The following ASTL variants were observed in gnomAD, a reference collection of about 807,000 sequenced individuals.
ASTL encodes the protein astacin-like metalloendopeptidase.
Under a neutral mutation model 36.7 loss-of-function variants are expected in ASTL, and 27 were observed. The observed-to-expected ratio is 0.73, with a 90% CI of 0.54 to 1.01. ASTL has a LOEUF of 1.01. Ranked by LOEUF, ASTL falls within the 50% of genes least tolerant of loss-of-function variation. The probability of loss-of-function intolerance (pLI) is 0.00; values close to 1 mark genes in which losing one functional copy is unlikely to be tolerated. For missense variants in ASTL, 524 were observed against 572.8 expected, an observed-to-expected ratio of 0.91 and a Z score of 0.87; for synonymous variants, 222 against 228.1, an observed-to-expected ratio of 0.97 and a Z score of 0.24.
At position 96,132,743 on chromosome 2, in the gene ASTL, T is replaced by G; in HGVS notation, c.456-22A>C. The G allele has an allele frequency of 6.3e-7, 1 of 1,594,104 alleles. No individual in the cohort carries two copies. The highest frequency in any genetic ancestry group is 8.6e-7 in the Non-Finnish European group (1 of 1,165,094). ...GCACCTGCAGGGTGATGAGAGCAAG[T>G]GGGGTAAGTGCCAGCCCAGATCCCT... On this transcript the variant is annotated intron_variant, in intron 5 of 8. Coordinates refer to ENST00000342380, the MANE Select transcript of ASTL (RefSeq NM_001002036.4). The surrounding 1 kb of genome is among the most constrained non-coding windows in gnomAD (Gnocchi z 5.4).
At chr2:96,128,749 T>C (rs1196679029) in intron 8 of ASTL, among the ~76,000 whole-genome samples, 1 of 152,256 alleles carries the variant, frequency 6.6e-6, no homozygotes, top group Non-Finnish European at 1.5e-5. Flanking sequence ...TTGGCTATTA[T>C]TGACCTTTCA....
At chr2:96,129,789 C>A in intron 8 of ASTL, 35 bp downstream of exon 8, 1 of 1,509,686 alleles carries the variant, frequency 6.6e-7, no homozygotes. Flanking sequence ...GGCGCCTTCT[C>A]CAGGTTCAAG....
Position 96,130,957 on chromosome 2 carries a change from G to A in ASTL, c.638-812C>T, listed in dbSNP as rs112615343. ...CTGCTTCCTGAGTTCCCACCTCCCC[G>A]CCCCACAACAGTTAATTACTGTTAT... On this transcript the variant is annotated intron_variant, in intron 6 of 8. Coordinates refer to ENST00000342380, the MANE Select transcript of ASTL (RefSeq NM_001002036.4). Among the ~76,000 whole-genome samples, 1,326 of 151,954 alleles carry A rather than the reference G, an allele frequency of 8.7e-3. 23 individuals are homozygous for A. The highest frequency in any genetic ancestry group is 0.031 in the African/African-American group (1,285 of 41,412).
chr2:96,123,975 C>T lies in ASTL; in HGVS notation c.1171G>A (p.Val391Met). 1 of 1,614,000 alleles carries T rather than the reference C, an allele frequency of 6.2e-7. No individual in the cohort carries two copies. ...GATGGGACTGTGGGCTTGGTGGACA[C>T]TCCGGCCAGCCAGGACTGCTCCTGA... is the stretch of plus-strand genomic sequence containing the variant. Reference protein sequence around the residue: ...VAQEQSWLAGVSTKPTVPSSE... With the variant: ...VAQEQSWLAGMSTKPTVPSSE... The change falls in exon 9 of 9, where the codon GTG becomes ATG. Residue 391 changes from valine to methionine, a missense_variant. By Grantham distance (21) the Val-to-Met change is conservative (BLOSUM62 1). Coordinates refer to ENST00000342380, the MANE Select transcript of ASTL (RefSeq NM_001002036.4).
chr2:96,129,508 G>A (rs909652104), intron 8 of ASTL, among the ~76,000 whole-genome samples: 1 of 152,148 alleles, frequency 6.6e-6, no homozygotes, highest in African/African-American at 2.4e-5. Flanking sequence ...CACACAATGT[G>A]GAGTAGATGG....
At position 96,137,604 on chromosome 2, in the gene ASTL, C is replaced by T. The variant is rs1442240888; in HGVS notation, c.152G>A (p.Gly51Glu). 2 of 1,613,872 alleles carry T rather than the reference C, an allele frequency of 1.2e-6. No individual in the cohort carries two copies. Among genetic ancestry groups the T allele is most frequent in the African/African-American group, 2.7e-5 (2 of 74,914 alleles). Residue 51 changes from glycine to glutamate, a missense_variant, in exon 2 of 9, where the codon GGG (glycine) becomes GAG (glutamate). Transcript: ENST00000342380. ...GLTPEGTQAS[G>E]DKDIPAINQG... ...GTTAATTGCAGGAATGTCCTTGTCC[C>T]CGGAGGCCTGGGTTCCCTCAGGGGT...
intron 6 of ASTL, 92 bp from the exon 7 acceptor site, chr2:96,130,237 A>T: frequency 3.0e-6 from 3 of 987,934 alleles, no homozygotes; most frequent in Non-Finnish European, 4.8e-6. Flanking sequence ...CTGGGAGCTC[A>T]TAACTCACCC....
Position 96,133,474 on chromosome 2 carries a change from C to G in ASTL, c.406G>C (p.Val136Leu), listed in dbSNP as rs1453828645. The G allele has an allele frequency of 1.9e-6, 3 of 1,614,192 alleles. No homozygotes were observed. The highest frequency in any genetic ancestry group is 2.5e-6 in the Non-Finnish European group (3 of 1,180,010). Residue 136 changes from valine to leucine, a missense_variant, in exon 5 of 9, where the codon GTC (valine) becomes CTC (leucine). By Grantham distance (32) the Val-to-Leu change is conservative. Coordinates refer to ENST00000342380, the MANE Select transcript of ASTL (RefSeq NM_001002036.4). ...AAGTCTCTCTGGTCCTGATAGGTGA[C>G]AAACCTGATGCACGTGGAACGTTCA... is the stretch of plus-strand genomic sequence containing the variant. ...EFERSTCIRF[V>L]TYQDQRDFIS...
In ASTL at chr2:96,129,209, T is replaced by C. The variant is rs888140174; in HGVS notation, c.874+615A>G. Among the ~76,000 whole-genome samples, 9 of 152,202 alleles carry C rather than the reference T, an allele frequency of 5.9e-5. No individual in the cohort carries two copies. In the South Asian group the frequency reaches 6.2e-4, roughly 11 times the overall value. ...AACGATTTTAATAAAGGTTCATTTTTCCTCAAATGTTTGATACAGCTGTCA... is the reference window on the plus strand; with the variant it reads ...AACGATTTTAATAAAGGTTCATTTTCCCTCAAATGTTTGATACAGCTGTCA... On this transcript the variant is annotated intron_variant, in intron 8 of 8. Coordinates refer to ENST00000342380, the MANE Select transcript of ASTL (RefSeq NM_001002036.4).
chr2:96,127,073 G>A (rs1356588276), intron 8 of ASTL, among the ~76,000 whole-genome samples: 1 of 152,212 alleles, frequency 6.6e-6, no homozygotes, highest in Non-Finnish European at 1.5e-5. Context: ...ATGTTATTCA[G>A]CGATGTTATT....
At position 96,123,241 on chromosome 2, in the gene ASTL, GC is replaced by G. The variant is rs1166196685; in HGVS notation, c.*608del. 6.6e-6 allele frequency among the ~76,000 whole-genome samples: 1 copy of G among 152,240 alleles called. No homozygotes were observed. The highest frequency in any genetic ancestry group is 1.5e-5 in the Non-Finnish European group (1 of 68,034). The stretch of plus-strand genomic sequence containing the variant: ...GGTTCCCATTGTGCAATCTGGTGGG[GC>G]CCCACTTCTTTCTCGTCTCCCCAAT... On this transcript the variant is annotated 3_prime_UTR_variant, in exon 9 of 9. Transcript: ENST00000342380.
chr2:96,130,190 C>G, intron 6 of ASTL, 45 bp from the exon 7 acceptor site: 1 of 1,520,646 alleles, frequency 6.6e-7, no homozygotes, highest in Non-Finnish European at 9.1e-7. Flanking sequence ...ATAAAGAGGG[C>G]AGGCAAGAAA....
At chr2:96,126,416 T>C (rs1200892155) in intron 8 of ASTL, among the ~76,000 whole-genome samples, 3 of 152,184 alleles carry the variant, frequency 2.0e-5, no homozygotes, top group African/African-American at 7.2e-5. Flanking sequence ...TCATTAGTTA[T>C]TAGGGAAATG....
At chr2:96,130,367 G>A (rs745765284) in intron 6 of ASTL, among the ~76,000 whole-genome samples, 5 of 152,062 alleles carry the variant, frequency 3.3e-5, no homozygotes, top group Non-Finnish European at 5.9e-5. Flanking sequence ...CCCCATGGCT[G>A]GCCAACCATC....
Position 96,123,785 on chromosome 2 carries a change from A to C in ASTL, c.*65T>G. 4 of 1,399,506 alleles carry C rather than the reference A, an allele frequency of 2.9e-6. No individual in the cohort carries two copies. The highest frequency in any genetic ancestry group is 4.0e-6 in the Non-Finnish European group (4 of 1,007,970). 86.7% of individuals were successfully genotyped at this position (1,399,506 alleles called of 1,614,324 possible). ...AGTGGTGTGGCCCAAAGGAGCCAAGAGGTAGACGACCCAGCTCCACTGGGC... is the reference window on the plus strand; with the variant it reads ...AGTGGTGTGGCCCAAAGGAGCCAAGCGGTAGACGACCCAGCTCCACTGGGC... On this transcript the variant is annotated 3_prime_UTR_variant, in exon 9 of 9. Transcript: ENST00000342380.
Position 96,124,715 on chromosome 2 carries a change from C to G in ASTL, c.875-444G>C, listed in dbSNP as rs549808393. The stretch of plus-strand genomic sequence containing the variant: ...CACCGTGCCAGGAGGTAGGTTGGGG[C>G]TTCCTTGTTCTTCACTGTCATGCCA... On this transcript the variant is annotated intron_variant, in intron 8 of 8. Transcript: ENST00000342380. This position sits in a 1 kb window ranked among gnomAD's most constrained non-coding sequence, Gnocchi z 4.1. 3.3e-5 allele frequency among the ~76,000 whole-genome samples: 5 copies of G among 152,280 alleles called. No homozygotes were observed. The South Asian group carries it at 6.2e-4, about 19-fold the overall frequency.
chr2:96,134,898 G>T (rs1682264056), intron 3 of ASTL, among the ~76,000 whole-genome samples: 1 of 152,178 alleles, frequency 6.6e-6, no homozygotes, highest in South Asian at 2.1e-4. Flanking sequence ...TCTCCCTTCA[G>T]ATGCGGCCCC....
At chr2:96,135,294 G>T in intron 3 of ASTL, 57 bp downstream of exon 3, 2 of 1,485,780 alleles carry the variant, frequency 1.3e-6, no homozygotes, top group Non-Finnish European at 1.9e-6. Context: ...GGGCTCAGAG[G>T]ACCTGTCGCC....
At chr2:96,131,767 A>T (rs1324360898) in intron 6 of ASTL, among the ~76,000 whole-genome samples, 13 of 152,026 alleles carry the variant, frequency 8.6e-5, no homozygotes, top group Non-Finnish European at 2.9e-5. Context: ...CAGCCCTGAA[A>T]GGTCTCGTGC....
Sources: gnomAD v4.1 joint callset for allele counts (sites outside exome capture counted in the v4.1 genomes callset) on GRCh38, gnomAD v4.1.1 for gene constraint, Gnocchi (gnomAD v3.1) non-coding constraint, MANE v1.5 for transcripts, NCBI Gene and HGNC (gene_info 2026-07-23, HGNC 2026-07-21) for gene names.